Variants in EPB41L4B observed in about 807,000 individuals in gnomAD.
EPB41L4B encodes the protein erythrocyte membrane protein band 4.1 like 4B.
In EPB41L4B, 30 loss-of-function variants were observed where a neutral mutation model predicts 112.5. The ratio of observed to expected loss-of-function variants is 0.27; its 90% confidence interval spans 0.20 to 0.36. EPB41L4B has a LOEUF of 0.36. EPB41L4B is among the 10% of genes least tolerant of loss of function. EPB41L4B has a pLI of 1.00. For synonymous variants in EPB41L4B, 408 were observed against 439.7 expected, an observed-to-expected ratio of 0.93 and a Z score of 0.90; for missense variants, 1,024 against 1,133.3, an observed-to-expected ratio of 0.90 and a Z score of 1.38.
intron 2 of EPB41L4B, among the ~76,000 whole-genome samples, chr9:109,273,155 G>A (rs569401269): frequency 4.4e-4 from 67 of 152,194 alleles, no homozygotes; most frequent in African/African-American, 1.6e-3. Context: ...AGCAGCTTCC[G>A]ATTCAGCACC....
intron 2 of EPB41L4B, among the ~76,000 whole-genome samples, chr9:109,279,198 CT>C (rs774056556): frequency 0.22 from 31,600 of 143,598 alleles, 3,950 homozygotes; most frequent in Non-Finnish European, 0.3. Flanking sequence ...CTTTCTTTTC[CT>C]TTTTTTTTTT....
intron 25 of EPB41L4B, among the ~76,000 whole-genome samples, chr9:109,175,468 A>ACACAC (rs1831785103): frequency 2.3e-5 from 3 of 129,306 alleles, no homozygotes; most frequent in African/African-American, 8.7e-5. Context: ...CCACTGTTTA[A>ACACAC]ACACACACAC....
At chr9:109,198,649 G>T (rs557916317) in intron 20 of EPB41L4B, among the ~76,000 whole-genome samples, 1 of 152,190 alleles carries the variant, frequency 6.6e-6, no homozygotes, top group Non-Finnish European at 1.5e-5. Context: ...GCTCATGCCT[G>T]TAATCCTAGC....
rs187640926 is a variant in EPB41L4B, at chr9:109,316,606, A to G, written c.306+3535T>C. Among the ~76,000 whole-genome samples the G allele has an allele frequency of 9.8e-5, 15 of 152,300 alleles. No homozygotes were observed. The East Asian group carries it at 2.7e-3, about 27-fold the overall frequency. ...GCTAAGGAGAGGGAGGTGCTGTCGA[A>G]GGCAGGGCCAGGGTTTCTGAAGAGG... On this transcript the variant is annotated intron_variant, in intron 1 of 25. Transcript: ENST00000374566.
rs1467267556 is a variant in EPB41L4B at position 109,214,525 on chromosome 9, G to C, written c.1634-707C>G. Among the ~76,000 whole-genome samples the C allele has an allele frequency of 6.6e-5, 10 of 152,194 alleles. 1 individual carries two copies. The highest frequency in any genetic ancestry group is 6.5e-4 in the Admixed American group (10 of 15,282). Reference sequence around the variant, plus strand: ...GGTTTATTTAATTGCTAAAGGAGCAGGACGGAACTGAGGATGGGTGTTAGA... The same window carrying C: ...GGTTTATTTAATTGCTAAAGGAGCACGACGGAACTGAGGATGGGTGTTAGA... On this transcript the variant is annotated intron_variant, in intron 16 of 25. Coordinates refer to ENST00000374566, the MANE Select transcript of EPB41L4B (RefSeq NM_019114.5).
intron 1 of EPB41L4B, among the ~76,000 whole-genome samples, chr9:109,308,079 C>T (rs1189161516): frequency 6.6e-6 from 1 of 152,116 alleles, no homozygotes; most frequent in Non-Finnish European, 1.5e-5. Context: ...TTCAAGCTGT[C>T]CCACACTCGG....
At chr9:109,288,538 G>A (rs1479791786) in intron 1 of EPB41L4B, among the ~76,000 whole-genome samples, 4 of 151,794 alleles carry the variant, frequency 2.6e-5, no homozygotes, top group Non-Finnish European at 4.4e-5. Context: ...GGCTAACACG[G>A]TGAAACCCTG....
intron 15 of EPB41L4B, among the ~76,000 whole-genome samples, chr9:109,232,491 C>T (rs2118913795): frequency 6.6e-6 from 1 of 152,278 alleles, no homozygotes; most frequent in African/African-American, 2.4e-5. Flanking sequence ...GAAAGCTCAG[C>T]TGTGAGTGTA....
chr9:109,320,280 C>A lies in EPB41L4B; in HGVS notation c.167G>T (p.Gly56Val), dbSNP rs1236695133. 7.0e-6 allele frequency: 8 copies of A among 1,143,370 alleles called. No individual in the cohort carries two copies. In the African/African-American group the frequency reaches 9.9e-5, roughly 14 times the overall value. 70.8% of individuals were successfully genotyped at this position (1,143,370 alleles called of 1,614,324 possible). A position where few individuals can be genotyped will look rare whatever the true frequency, so the allele number is the denominator to read the frequency against. Residue 56 changes from glycine to valine, a missense_variant, in exon 1 of 26, where the codon GGC becomes GTC. By Grantham distance (109) the Gly-to-Val change is moderately radical (BLOSUM62 -3). Transcript: ENST00000374566. ...SSSALPAAPG[G>V]SVFPAGGGPL... ...CCCGCCGCCCGCCGGGAACACGCTG[C>A]CCCCGGGCGCGGCGGGCAGCGCCGA...
At position 109,217,157 on chromosome 9, in the gene EPB41L4B, G is replaced by A. The variant is rs754742227; in HGVS notation, c.1410-12C>T. ...AAGGGAGCGGGTAGCTGTGGAGGGT[G>A]ACACAGTCAGGATTTAGAAAAGCAG... On this transcript the variant is annotated splice_polypyrimidine_tract_variant and intron_variant, in intron 15 of 25. Coordinates refer to ENST00000374566, the MANE Select transcript of EPB41L4B (RefSeq NM_019114.5). 1 of 1,612,314 alleles carries A rather than the reference G, an allele frequency of 6.2e-7. No individual in the cohort carries two copies. Among genetic ancestry groups the A allele is most frequent in the South Asian group, 1.1e-5 (1 of 90,998 alleles).
intron 2 of EPB41L4B, among the ~76,000 whole-genome samples, chr9:109,274,903 C>A (rs572414148): frequency 2.0e-5 from 3 of 152,160 alleles, no homozygotes; most frequent in Non-Finnish European, 4.4e-5. Context: ...GGGCTCAGGG[C>A]GAGAACTGGG....
chr9:109,241,644 G>A (rs774220955), intron 15 of EPB41L4B: 4 of 1,613,604 alleles, frequency 2.5e-6, no homozygotes, highest in African/African-American at 1.3e-5. Context: ...GTGAATGGAA[G>A]AGAGATGCTT....
chr9:109,196,718 GAAA>G (rs34024676), intron 20 of EPB41L4B, among the ~76,000 whole-genome samples: 6 of 84,640 alleles, frequency 7.1e-5, no homozygotes, highest in African/African-American at 1.3e-4. Flanking sequence ...CCTTGTCTCC[GAAA>G]AAAAAAAAAA....
intron 1 of EPB41L4B, among the ~76,000 whole-genome samples, chr9:109,288,591 C>T (rs1048395255): frequency 2.0e-4 from 30 of 151,708 alleles, no homozygotes; most frequent in African/African-American, 6.5e-4. Context: ...GGCGTTGTGG[C>T]GGGCACCTGT....
At chr9:109,218,117 C>CTAA (rs764238336) in intron 15 of EPB41L4B, among the ~76,000 whole-genome samples, 7 of 134,140 alleles carry the variant, frequency 5.2e-5, no homozygotes, top group Admixed American at 1.7e-4. Context: ...ATCTCTAATA[C>CTAA]TAATAATTCT....
chr9:109,195,657 C>T (rs1035723466), intron 20 of EPB41L4B, among the ~76,000 whole-genome samples: 5 of 152,156 alleles, frequency 3.3e-5, no homozygotes, highest in African/African-American at 9.7e-5. Flanking sequence ...TGTTCAAGTT[C>T]GCAAAGCTAG....
chr9:109,215,172 T>C (rs543467945), intron 16 of EPB41L4B, among the ~76,000 whole-genome samples: 1 of 152,310 alleles, frequency 6.6e-6, no homozygotes, highest in African/African-American at 2.4e-5. Flanking sequence ...GGTCATCATC[T>C]CAATACCCTC....
chr9:109,239,331 A>C (rs1252651939), intron 15 of EPB41L4B, among the ~76,000 whole-genome samples: 4 of 152,150 alleles, frequency 2.6e-5, no homozygotes, highest in Admixed American at 1.3e-4. Flanking sequence ...GTTTTGTGGG[A>C]GGAGGGTAAA....
intron 1 of EPB41L4B, among the ~76,000 whole-genome samples, chr9:109,288,497 G>C (rs1019703858): frequency 6.6e-6 from 1 of 152,016 alleles, no homozygotes; most frequent in South Asian, 2.1e-4. Flanking sequence ...GAGGCGGGCG[G>C]ATCACAAGGT....
Sources: allele counts gnomAD v4.1 joint callset (sites outside exome capture counted in the v4.1 genomes callset), GRCh38; gene constraint gnomAD v4.1.1; transcripts MANE v1.5; gene names NCBI Gene and HGNC (gene_info 2026-07-23, HGNC 2026-07-21).